The following TNFRSF8 variants were observed in gnomAD, a reference collection of about 807,000 sequenced individuals.
TNFRSF8 encodes TNF receptor superfamily member 8.
Under a neutral mutation model 70.8 loss-of-function variants are expected in TNFRSF8, and 26 were observed. That is an observed-to-expected ratio of 0.37 (90% confidence interval 0.27 to 0.51). The LOEUF (loss-of-function observed/expected upper bound fraction) is 0.51, where lower values mean the gene tolerates loss of function less well. Ranked by LOEUF, TNFRSF8 falls within the 20% of genes least tolerant of loss-of-function variation. TNFRSF8 has a pLI of 0.94. For missense variants in TNFRSF8, 720 were observed against 807.9 expected (o/e 0.89, Z 1.32); for synonymous variants, 356 against 339.2 (o/e 1.05, Z -0.54).
At chr1:12,102,223 T>A (rs1254133272) in intron 3 of TNFRSF8, among the ~76,000 whole-genome samples, 1 of 152,058 alleles carries the variant, frequency 6.6e-6, no homozygotes, top group Non-Finnish European at 1.5e-5. Flanking sequence ...GAATGGGGCT[T>A]CTGAAACCCA....
At chr1:12,128,416 G>A (rs1000608978) in intron 12 of TNFRSF8, among the ~76,000 whole-genome samples, 18 of 152,214 alleles carry the variant, frequency 1.2e-4, no homozygotes, top group African/African-American at 3.4e-4. Flanking sequence ...ACCAGCCCTC[G>A]AGTGGATCGA....
chr1:12,142,529 T>G lies in TNFRSF8; in HGVS notation c.1786T>G (p.Ter596GlyextTer36), dbSNP rs370512108. Residue 596 changes from the stop codon to glycine (G), a stop_lost, in exon 15 of 15, where the codon TGA becomes GGA. Transcript: ENST00000263932. This position sits in a 1 kb window ranked among gnomAD's most constrained non-coding sequence, Gnocchi z 5.0. ...DPLPTAASGK[*>G] Reference sequence around the variant, plus strand: ...CTTGCCCACAGCTGCCTCTGGAAAGTGAGGCCTGGGCTGGGCTGGGGCTAG... The same window carrying G: ...CTTGCCCACAGCTGCCTCTGGAAAGGGAGGCCTGGGCTGGGCTGGGGCTAG... 7 of 1,564,422 alleles carry G rather than the reference T, an allele frequency of 4.5e-6. No homozygotes were observed. Among genetic ancestry groups the G allele is most frequent in the Admixed American group, 3.8e-5 (2 of 52,252 alleles).
chr1:12,100,528 CT>C (rs1327568281), intron 3 of TNFRSF8, among the ~76,000 whole-genome samples: 1 of 152,088 alleles, frequency 6.6e-6, no homozygotes, highest in Admixed American at 6.6e-5. Flanking sequence ...ATTCATTACA[CT>C]TTTTTCTACT....
At chr1:12,101,173 TCAG>T (rs1172766111) in intron 3 of TNFRSF8, among the ~76,000 whole-genome samples, 1 of 152,120 alleles carries the variant, frequency 6.6e-6, no homozygotes, top group East Asian at 1.9e-4. Flanking sequence ...GCCTGCAGTC[TCAG>T]CACTTAGGGA....
intron 2 of TNFRSF8, 98 bp downstream of exon 2, chr1:12,084,649 G>A (rs1392859344): frequency 5.3e-6 from 6 of 1,131,218 alleles, no homozygotes; most frequent in African/African-American, 1.5e-5. Context: ...GGAGCCAACC[G>A]TCATCGTCAT....
chr1:12,116,577 G>T (rs1641734160), intron 8 of TNFRSF8, among the ~76,000 whole-genome samples: 1 of 152,050 alleles, frequency 6.6e-6, no homozygotes, highest in African/African-American at 2.4e-5. Context: ...GAGGCAGGTG[G>T]ATCACTTGAG....
chr1:12,134,973 G>T (rs995573598), intron 12 of TNFRSF8, among the ~76,000 whole-genome samples: 2 of 152,104 alleles, frequency 1.3e-5, no homozygotes, highest in African/African-American at 4.8e-5. Context: ...GTGCGCGGGG[G>T]TGGGGGTTGG....
intron 4 of TNFRSF8, among the ~76,000 whole-genome samples, chr1:12,105,143 T>G (rs905165980): frequency 3.9e-5 from 6 of 152,112 alleles, no homozygotes; most frequent in South Asian, 4.1e-4. Flanking sequence ...TGGGTGGGCT[T>G]TGGAGCACAG....
chr1:12,066,714 G>A (rs750969496), intron 1 of TNFRSF8, among the ~76,000 whole-genome samples: 9 of 151,000 alleles, frequency 6.0e-5, no homozygotes, highest in Non-Finnish European at 1.2e-4. Flanking sequence ...GTGCAGTGGC[G>A]CAATCTCAGC....
At chr1:12,131,440 C>T (rs1283998600) in intron 12 of TNFRSF8, among the ~76,000 whole-genome samples, 1 of 152,126 alleles carries the variant, frequency 6.6e-6, no homozygotes, top group Non-Finnish European at 1.5e-5. Flanking sequence ...ACAGAGCGAG[C>T]CTCCGTCTCA....
intron 1 of TNFRSF8, among the ~76,000 whole-genome samples, chr1:12,069,509 C>A (rs1232348040): frequency 6.6e-6 from 1 of 152,118 alleles, no homozygotes; most frequent in Non-Finnish European, 1.5e-5. Context: ...TGAGTCACCT[C>A]CCTGTTCTTC....
intron 2 of TNFRSF8, among the ~76,000 whole-genome samples, chr1:12,093,929 G>T (rs1275411417): frequency 6.6e-6 from 1 of 152,046 alleles, no homozygotes; most frequent in Non-Finnish European, 1.5e-5. Flanking sequence ...CAATTAACCG[G>T]TCATGGTGGT....
At chr1:12,127,029 C>T (rs1282766109) in intron 12 of TNFRSF8, among the ~76,000 whole-genome samples, 1 of 152,214 alleles carries the variant, frequency 6.6e-6, no homozygotes, top group South Asian at 2.1e-4. Flanking sequence ...CTCTTCCAGG[C>T]AGCCCTTGGG....
chr1:12,084,568 G>C lies in TNFRSF8; in HGVS notation c.151+17G>C, dbSNP rs1465578347. The C allele has an allele frequency of 1.2e-6, 2 of 1,612,362 alleles. No individual in the cohort carries two copies. Among genetic ancestry groups the C allele is most frequent in the East Asian group, 2.2e-5 (1 of 44,852 alleles). ...GCCCCATGGGTGAGTGGGGGCGTTG[G>C]GGGTGGGGAGAAGGGGGGAAATTTG... On this transcript the variant is annotated intron_variant, in intron 2 of 14. Coordinates refer to ENST00000263932, the MANE Select transcript of TNFRSF8 (RefSeq NM_001243.5).
intron 1 of TNFRSF8, among the ~76,000 whole-genome samples, chr1:12,079,753 C>T (rs1195895042): frequency 6.6e-6 from 1 of 152,192 alleles, no homozygotes. Context: ...CCCCTCCGCA[C>T]AGCAAGAAGA....
At chr1:12,067,789 C>T (rs1460403847) in intron 1 of TNFRSF8, among the ~76,000 whole-genome samples, 2 of 151,766 alleles carry the variant, frequency 1.3e-5, no homozygotes, top group South Asian at 2.1e-4. Context: ...TAGTGCTAAT[C>T]GTGGAATTTC....
In TNFRSF8 at chr1:12,138,122, G is replaced by A. The variant is rs671106; in HGVS notation, c.1336-107G>A. ...ATGGCAGCTTTTAAAGCAGAAAGGG[G>A]GACTCACTGGGGTCTGTAGAGATGA... On this transcript the variant is annotated intron_variant, in intron 13 of 14. Coordinates refer to ENST00000263932, the MANE Select transcript of TNFRSF8 (RefSeq NM_001243.5). The surrounding 1 kb of genome is among the most constrained non-coding windows in gnomAD (Gnocchi z 5.7). 608,499 of 1,127,676 alleles carry A rather than the reference G, an allele frequency of 0.54. 170,456 individuals are homozygous for A. Among genetic ancestry groups the A allele is most frequent in the African/African-American group, 0.87 (54,272 of 62,646 alleles). The allele number at this position is 1,127,676 out of a possible 1,614,324, so 69.9% of individuals were successfully genotyped here.
At position 12,112,067 on chromosome 1, in the gene TNFRSF8, C is replaced by A; in HGVS notation, c.793+53C>A. 1 of 1,368,084 alleles carries A rather than the reference C, an allele frequency of 7.3e-7. No homozygotes were observed. The highest frequency in any genetic ancestry group is 1.0e-6 in the Non-Finnish European group (1 of 966,872). The allele number at this position is 1,368,084 out of a possible 1,614,324, so 84.7% of individuals were successfully genotyped here. A position where few individuals can be genotyped will look rare whatever the true frequency, so the allele number is the denominator to read the frequency against. On this transcript the variant is annotated intron_variant, in intron 7 of 14. Coordinates refer to ENST00000263932, the MANE Select transcript of TNFRSF8 (RefSeq NM_001243.5). The surrounding 1 kb of genome is among the most constrained non-coding windows in gnomAD (Gnocchi z 5.3). ...CAGTTTACCTCTCTGCATTTTTGAA[C>A]CGTGAACTTCCAGTAACTACTCCCC...
Position 12,142,248 on chromosome 1 carries a change from C to T in TNFRSF8, c.1544-39C>T. ...CTCTTTGCTCCCATCCTGGCTGGTG[C>T]TCTGGCCTCCCTCGCTCACCCATCC... is the stretch of plus-strand genomic sequence containing the variant. On this transcript the variant is annotated intron_variant, in intron 14 of 14. Transcript: ENST00000263932. This position sits in a 1 kb window ranked among gnomAD's most constrained non-coding sequence, Gnocchi z 5.0. The T allele has an allele frequency of 6.5e-7, 1 of 1,527,464 alleles. No homozygotes were observed. The highest frequency in any genetic ancestry group is 8.8e-7 in the Non-Finnish European group (1 of 1,131,974). The allele number at this position is 1,527,464 out of a possible 1,614,324, so 94.6% of individuals were successfully genotyped here. A position where few individuals can be genotyped will look rare whatever the true frequency, so the allele number is the denominator to read the frequency against.
Sources: gnomAD v4.1 joint callset for allele counts (sites outside exome capture counted in the v4.1 genomes callset) on GRCh38, gnomAD v4.1.1 for gene constraint, Gnocchi (gnomAD v3.1) non-coding constraint, MANE v1.5 for transcripts, NCBI Gene and HGNC (gene_info 2026-07-23, HGNC 2026-07-21) for gene names.